EYS: variants seen among roughly 807,000 people sequenced by gnomAD.
EYS encodes protein eyes shut homolog.
A neutral mutation model predicts 282.1 loss-of-function variants in EYS; 250 were observed. The observed-to-expected ratio is 0.89, with a 90% CI of 0.80 to 0.98. EYS has a LOEUF of 0.98. Among genes scored for constraint, EYS ranks in the 50% least tolerant of loss-of-function variants. The probability of loss-of-function intolerance (pLI) is 0.00; values close to 1 mark genes in which losing one functional copy is unlikely to be tolerated. For synonymous variants in EYS, 1,355 were observed against 1,282.9 expected (o/e 1.06, Z -1.20); for missense variants, 4,016 against 3,709.0 (o/e 1.08, Z -2.15).
intron 30 of EYS, among the ~76,000 whole-genome samples, chr6:64,242,992 AAACT>A (rs1766885070): frequency 6.8e-6 from 1 of 147,072 alleles, no homozygotes; most frequent in Non-Finnish European, 1.5e-5. Context: ...ATATTGATAT[AAACT>A]AATTATAATT....
At chr6:64,630,701 C>T (rs1189516285) in intron 22 of EYS, among the ~76,000 whole-genome samples, 2 of 152,058 alleles carry the variant, frequency 1.3e-5, no homozygotes, top group African/African-American at 2.4e-5. Context: ...TTGCAAAGGG[C>T]CCATGATTTC....
intron 28 of EYS, among the ~76,000 whole-genome samples, chr6:64,391,859 G>T (rs1773162298): frequency 6.6e-6 from 1 of 152,170 alleles, no homozygotes; most frequent in South Asian, 2.1e-4. Flanking sequence ...AGTCCCTTCA[G>T]TGTGCTGTAT....
intron 22 of EYS, among the ~76,000 whole-genome samples, chr6:64,641,808 A>T (rs1768164530): frequency 6.6e-6 from 1 of 152,154 alleles, no homozygotes; most frequent in South Asian, 2.1e-4. Flanking sequence ...GAATTCTCAT[A>T]GGAGCGTGAA....
intron 15 of EYS, among the ~76,000 whole-genome samples, chr6:64,921,192 C>A (rs1768337098): frequency 6.6e-6 from 1 of 152,080 alleles, no homozygotes; most frequent in Admixed American, 6.6e-5. Context: ...ATGCATATAA[C>A]ACCATTAATT....
rs189494097 is a variant in EYS at position 64,087,906 on chromosome 6, T to C, written c.6425-5904A>G. Among the ~76,000 whole-genome samples, 10 of 152,224 alleles carry C rather than the reference T, an allele frequency of 6.6e-5. No individual in the cohort carries two copies. The East Asian group carries it at 1.5e-3, about 23-fold the overall frequency. On this transcript the variant is annotated intron_variant, in intron 31 of 42. Transcript: ENST00000503581. Reference sequence around the variant, plus strand: ...GAACTCACAAAGTACAATAAAAATATAATTCAATTTGCTAAAAAATGACTT... The same window carrying C: ...GAACTCACAAAGTACAATAAAAATACAATTCAATTTGCTAAAAAATGACTT...
rs145851043 is a variant in EYS, at chr6:64,152,546, A to G, written c.6425-70544T>C. On this transcript the variant is annotated intron_variant, in intron 31 of 42. Coordinates refer to ENST00000503581, the MANE Select transcript of EYS (RefSeq NM_001142800.2). ...TAGTAGTTTAGGGGCTTCACAGTCA[A>G]TTACAAGGGATGTCTCTGGATTTGA... Among the ~76,000 whole-genome samples, 331 of 152,258 alleles carry G rather than the reference A, an allele frequency of 2.2e-3. 3 individuals are homozygous for G. The highest frequency in any genetic ancestry group is 7.4e-3 in the African/African-American group (307 of 41,546).
At chr6:64,881,985 T>C (rs1028046352) in intron 19 of EYS, among the ~76,000 whole-genome samples, 33 of 151,856 alleles carry the variant, frequency 2.2e-4, no homozygotes, top group Non-Finnish European at 2.9e-5. Flanking sequence ...GCAATTTCAA[T>C]GTGTAAGATC....
intron 11 of EYS, chr6:65,330,383 A>G (rs1365236340): frequency 1.0e-6 from 1 of 984,432 alleles, no homozygotes; most frequent in Non-Finnish European, 1.2e-6. Context: ...AGTCATGAAC[A>G]CTTCACAGTC....
At chr6:64,259,061 C>T (rs1767495267) in intron 30 of EYS, among the ~76,000 whole-genome samples, 1 of 152,054 alleles carries the variant, frequency 6.6e-6, no homozygotes. Context: ...TTATCTGAGG[C>T]TTAACCCTGC....
At chr6:65,486,463 A>G (rs184943865) in intron 5 of EYS, among the ~76,000 whole-genome samples, 1 of 152,206 alleles carries the variant, frequency 6.6e-6, no homozygotes, top group Admixed American at 6.5e-5. Flanking sequence ...TTGATTAAAC[A>G]GCTAAAAAAA....
intron 12 of EYS, among the ~76,000 whole-genome samples, chr6:65,165,474 T>C (rs1028641163): frequency 6.6e-6 from 1 of 151,242 alleles, no homozygotes; most frequent in African/African-American, 2.4e-5. Context: ...TTCAGAAATC[T>C]TCTGTGACAT....
intron 30 of EYS, among the ~76,000 whole-genome samples, chr6:64,287,941 A>G (rs1298357940): frequency 6.6e-6 from 1 of 152,170 alleles, no homozygotes; most frequent in Non-Finnish European, 1.5e-5. Context: ...GAGTGATTGT[A>G]TGAATGAGTG....
intron 2 of EYS, among the ~76,000 whole-genome samples, chr6:65,602,113 A>C (rs919289409): frequency 1.3e-5 from 2 of 151,880 alleles, no homozygotes; most frequent in Admixed American, 1.3e-4. Flanking sequence ...ATATAATTAC[A>C]TGTTTCTTGG....
intron 5 of EYS, among the ~76,000 whole-genome samples, chr6:65,430,244 A>T (rs1767831966): frequency 6.6e-6 from 1 of 152,102 alleles, no homozygotes; most frequent in African/African-American, 2.4e-5. Context: ...ACTTCATATC[A>T]CTGAAAGAAG....
chr6:63,761,683 A>G (rs1312356541), intron 41 of EYS, among the ~76,000 whole-genome samples: 3 of 152,116 alleles, frequency 2.0e-5, no homozygotes, highest in South Asian at 2.1e-4. Context: ...TAGGGAAGAG[A>G]GAGCTAAAGC....
At chr6:65,678,522 A>G (rs1367358374) in intron 1 of EYS, among the ~76,000 whole-genome samples, 2 of 152,066 alleles carry the variant, frequency 1.3e-5, no homozygotes, top group African/African-American at 4.8e-5. Context: ...AACATAGTGG[A>G]AAGCTTTATA....
chr6:64,752,390 G>A (rs1772787148), intron 22 of EYS, among the ~76,000 whole-genome samples: 1 of 151,932 alleles, frequency 6.6e-6, no homozygotes, highest in Non-Finnish European at 1.5e-5. Context: ...CAACAGACTA[G>A]ACCAAGCAGA....
chr6:65,016,260 G>A (rs763345459), intron 13 of EYS, among the ~76,000 whole-genome samples: 1 of 151,476 alleles, frequency 6.6e-6, no homozygotes, highest in Admixed American at 6.6e-5. Flanking sequence ...AAACTAGTAC[G>A]TTACTTTCAA....
At chr6:65,116,957 A>G (rs1198816627) in intron 12 of EYS, among the ~76,000 whole-genome samples, 1 of 152,146 alleles carries the variant, frequency 6.6e-6, no homozygotes, top group Non-Finnish European at 1.5e-5. Flanking sequence ...GCCCTTATCA[A>G]TGTCCAATAT....
Sources: allele counts gnomAD v4.1 joint callset (sites outside exome capture counted in the v4.1 genomes callset), GRCh38; gene constraint gnomAD v4.1.1; transcripts MANE v1.5; gene names NCBI Gene and HGNC (gene_info 2026-07-23, HGNC 2026-07-21).